The following AJAP1 variants were observed in gnomAD, a reference collection of about 807,000 sequenced individuals.
The protein encoded by AJAP1 is adherens junctions associated protein 1.
AJAP1 carries 5 observed loss-of-function variants against 35.0 expected under a neutral mutation model. The ratio of observed to expected loss-of-function variants is 0.14; its 90% CI spans 0.07 to 0.30. The LOEUF (loss-of-function observed/expected upper bound fraction) is 0.30, where lower values mean the gene tolerates loss of function less well. AJAP1 is among the 10% of genes least tolerant of loss of function. AJAP1 has a pLI of 1.00. For missense variants in AJAP1, 586 were observed against 571.0 expected, an observed-to-expected ratio of 1.03 and a Z score of -0.27; for synonymous variants, 284 against 249.3, an observed-to-expected ratio of 1.14 and a Z score of -1.31.
Position 4,786,553 on chromosome 1 carries a change from G to A in AJAP1, c.*4068G>A, listed in dbSNP as rs147882867. On this transcript the variant is annotated 3_prime_UTR_variant, in exon 6 of 6. Transcript: ENST00000378191. ...GAGGGATTGGTCTTCAAAATTTTGT[G>A]TGTGATGCCCAATGTGTAGGCCATA... is the stretch of plus-strand genomic sequence containing the variant. 8 of 152,324 alleles carry A rather than the reference G, an allele frequency of 5.3e-5. No homozygotes were observed. The highest frequency in any genetic ancestry group is 1.9e-4 in the African/African-American group (8 of 41,562). The allele number at this position is 152,324 out of a possible 1,614,324, so 9.4% of individuals were successfully genotyped here. A position where few individuals can be genotyped will look rare whatever the true frequency, so the allele number is the denominator to read the frequency against.
chr1:4,702,148 T>C (rs547199812), intron 1 of AJAP1, among the ~76,000 whole-genome samples: 1 of 152,056 alleles, frequency 6.6e-6, no homozygotes, highest in East Asian at 1.9e-4. Context: ...TTCTCATGTG[T>C]CCCCAGTATT....
In AJAP1 at chr1:4,671,914, C is replaced by T. The variant is rs1032376255; in HGVS notation, c.29+16460C>T. ...TGTAGGTGTCCCCACTGCTCTCAGG[C>T]GTTGCAGTAGGAGCAGACTTTCAAA... On this transcript the variant is annotated intron_variant, in intron 1 of 5. Coordinates refer to ENST00000378191, the MANE Select transcript of AJAP1 (RefSeq NM_018836.4). Among the ~76,000 whole-genome samples the T allele has an allele frequency of 5.3e-5, 8 of 152,276 alleles. No individual in the cohort carries two copies. The South Asian group carries it at 6.2e-4, about 12-fold the overall frequency.
intron 2 of AJAP1, among the ~76,000 whole-genome samples, chr1:4,715,855 G>T (rs893004404): frequency 6.6e-6 from 1 of 152,210 alleles, no homozygotes; most frequent in Non-Finnish European, 1.5e-5. Context: ...CAGAGGCAGA[G>T]CAGGCTGCCA....
intron 2 of AJAP1, among the ~76,000 whole-genome samples, chr1:4,740,828 A>G (rs943357418): frequency 1.8e-4 from 27 of 151,390 alleles, no homozygotes; most frequent in Admixed American, 3.3e-4. Context: ...AAGATGGTCA[A>G]TTTTATCTTA....
chr1:4,688,501 G>A (rs61765028), intron 1 of AJAP1, among the ~76,000 whole-genome samples: 27,212 of 152,066 alleles, frequency 0.18, 2,803 homozygotes, highest in South Asian at 0.32. Flanking sequence ...GGCCAGGTGC[G>A]GTGGCTCACA....
Position 4,655,272 on chromosome 1 carries a change from C to G in AJAP1, c.-154C>G, listed in dbSNP as rs1271509876. The G allele has an allele frequency of 4.9e-6, 2 of 405,716 alleles. No homozygotes were observed. The allele number at this position is 405,716 out of a possible 1,614,324, so 25.1% of individuals were successfully genotyped here. ...GCATGGAGCCCCGCGCGGCCGCGCT[C>G]TGACTCGCTGTGCGCCCCGCGGCCG... is the stretch of plus-strand genomic sequence containing the variant. On this transcript the variant is annotated 5_prime_UTR_variant, in exon 1 of 6. Transcript: ENST00000378191. This position sits in a 1 kb window ranked among gnomAD's most constrained non-coding sequence, Gnocchi z 6.9.
intron 1 of AJAP1, among the ~76,000 whole-genome samples, chr1:4,659,362 A>G (rs2100501382): frequency 6.6e-6 from 1 of 152,200 alleles, no homozygotes; most frequent in African/African-American, 2.4e-5. Flanking sequence ...AGACACAAGG[A>G]GGAGACAGGA....
intron 2 of AJAP1, among the ~76,000 whole-genome samples, chr1:4,737,246 C>A (rs1403828904): frequency 6.6e-6 from 1 of 151,932 alleles, no homozygotes; most frequent in African/African-American, 2.4e-5. Context: ...AGCAGAGAGT[C>A]GGGAAAAAGC....
Position 4,655,550 on chromosome 1 carries a change from C to T in AJAP1, c.29+96C>T, listed in dbSNP as rs941188483. The T allele has an allele frequency of 3.5e-6, 5 of 1,441,312 alleles. No individual in the cohort carries two copies. The highest frequency in any genetic ancestry group is 1.5e-5 in the African/African-American group (1 of 67,322). The allele number at this position is 1,441,312 out of a possible 1,614,324, so 89.3% of individuals were successfully genotyped here. The stretch of plus-strand genomic sequence containing the variant: ...CTCTATGTTGCAAATCAAGGGACCC[C>T]TCTTCGCTTCCCGCAAGCGGGCAAC... On this transcript the variant is annotated intron_variant, in intron 1 of 5. Coordinates refer to ENST00000378191, the MANE Select transcript of AJAP1 (RefSeq NM_018836.4). This position sits in a 1 kb window ranked among gnomAD's most constrained non-coding sequence, Gnocchi z 6.9.
chr1:4,681,267 A>T (rs183521842), intron 1 of AJAP1, among the ~76,000 whole-genome samples: 12 of 152,340 alleles, frequency 7.9e-5, no homozygotes, highest in Admixed American at 7.2e-4. Flanking sequence ...TTTCAGCAGC[A>T]CGGACAGTGT....
intron 2 of AJAP1, among the ~76,000 whole-genome samples, chr1:4,761,535 G>C (rs1320722800): frequency 3.3e-5 from 5 of 152,200 alleles, no homozygotes; most frequent in African/African-American, 1.2e-4. Context: ...TTGGCCATCG[G>C]CCATTTCTGT....
At chr1:4,680,987 T>C (rs1372631130) in intron 1 of AJAP1, among the ~76,000 whole-genome samples, 3 of 152,214 alleles carry the variant, frequency 2.0e-5, no homozygotes, top group Non-Finnish European at 4.4e-5. Context: ...TTTGGAAATA[T>C]AGCAAAGATA....
chr1:4,705,446 C>A (rs1640082087), intron 1 of AJAP1, among the ~76,000 whole-genome samples: 1 of 136,674 alleles, frequency 7.3e-6, no homozygotes, highest in Non-Finnish European at 1.5e-5. Flanking sequence ...TACTCCTCCC[C>A]CTCCAAGAAT....
intron 5 of AJAP1, among the ~76,000 whole-genome samples, chr1:4,780,633 CTT>C (rs35738488): frequency 4.6e-5 from 6 of 131,432 alleles, no homozygotes; most frequent in Admixed American, 8.0e-5. Context: ...TTCTTTCTTT[CTT>C]TTTTTTTTTT....
rs1300684585 is a variant in AJAP1, at chr1:4,655,718, G to A, written c.29+264G>A. Among the ~76,000 whole-genome samples, 4 of 150,796 alleles carry A rather than the reference G, an allele frequency of 2.7e-5. No homozygotes were observed. Among genetic ancestry groups the A allele is most frequent in the Admixed American group, 2.6e-4 (4 of 15,152 alleles). ...CCCGCCCCAGCAACCCGGGAAGTGG[G>A]GCCGGCCAGGCGCGCCCGCAGCTCT... On this transcript the variant is annotated intron_variant, in intron 1 of 5. Coordinates refer to ENST00000378191, the MANE Select transcript of AJAP1 (RefSeq NM_018836.4). The surrounding 1 kb of genome is among the most constrained non-coding windows in gnomAD (Gnocchi z 6.9).
rs74051833 is a variant in AJAP1 at position 4,782,044 on chromosome 1, C to T, written c.*60-501C>T. Among the ~76,000 whole-genome samples the T allele has an allele frequency of 0.017, 2,581 of 152,244 alleles. 65 individuals carry two copies. Among genetic ancestry groups the T allele is most frequent in the African/African-American group, 0.059 (2,440 of 41,528 alleles). On this transcript the variant is annotated intron_variant, in intron 5 of 5. Transcript: ENST00000378191. This position sits in a 1 kb window ranked among gnomAD's most constrained non-coding sequence, Gnocchi z 5.3. ...ATTTATCTCTCCCGAATTCTGGCCT[C>T]GGGGATCCTGCAGCTGAGTAGTGGA...
intron 2 of AJAP1, among the ~76,000 whole-genome samples, chr1:4,729,470 C>T (rs1640749561): frequency 6.9e-6 from 1 of 145,472 alleles, no homozygotes; most frequent in Non-Finnish European, 1.5e-5. Flanking sequence ...CCTCGAGACT[C>T]ACGGGGTGGG....
At chr1:4,713,125 G>A (rs576084560) in intron 2 of AJAP1, among the ~76,000 whole-genome samples, 48 of 152,306 alleles carry the variant, frequency 3.2e-4, no homozygotes, top group African/African-American at 1.1e-3. Context: ...CCGCCCCAGA[G>A]TCTTCAAAAG....
chr1:4,711,445 G>A (rs1640232033), intron 1 of AJAP1, among the ~76,000 whole-genome samples: 1 of 152,214 alleles, frequency 6.6e-6, no homozygotes, highest in South Asian at 2.1e-4. Context: ...CCTGGCCCTG[G>A]GGTCCCAGGT....
Sources: allele counts gnomAD v4.1 joint callset (sites outside exome capture counted in the v4.1 genomes callset), GRCh38; gene constraint gnomAD v4.1.1; non-coding constraint Gnocchi (gnomAD v3.1); transcripts MANE v1.5; gene names NCBI Gene and HGNC (gene_info 2026-07-23, HGNC 2026-07-21).